SPATA7: variants seen among roughly 807,000 people sequenced by gnomAD.
SPATA7 encodes spermatogenesis-associated protein 7.
In SPATA7, 43 loss-of-function variants were observed where a neutral mutation model predicts 51.8. The observed-to-expected ratio is 0.83, with a 90% CI of 0.65 to 1.07. The LOEUF is 1.07. Ranked by LOEUF, SPATA7 falls within the 50% of genes least tolerant of loss-of-function variation. SPATA7 has a pLI of 0.00. For synonymous variants in SPATA7, 230 were observed against 252.8 expected, an observed-to-expected ratio of 0.91 and a Z score of 0.86; for missense variants, 683 against 701.3, an observed-to-expected ratio of 0.97 and a Z score of 0.30.
rs972606605 is a variant in SPATA7 at position 88,460,936 on chromosome 14, C to G, written c.255-8911C>G. On this transcript the variant is annotated intron_variant, in intron 4 of 4. Transcript: ENST00000556406. Reference sequence around the variant, plus strand: ...TAGTTTTCCTTCTAACAGTCAGGACCCTCAGCTGCAGGTCTGTTGGAGCTT... The same window carrying G: ...TAGTTTTCCTTCTAACAGTCAGGACGCTCAGCTGCAGGTCTGTTGGAGCTT... Among the ~76,000 whole-genome samples, 45 of 152,178 alleles carry G rather than the reference C, an allele frequency of 3.0e-4. 1 individual carries two copies. The highest frequency in any genetic ancestry group is 1.0e-3 in the African/African-American group (42 of 41,438).
At chr14:88,453,284 T>C (rs1316216103) in intron 3 of SPATA7, among the ~76,000 whole-genome samples, 4 of 152,192 alleles carry the variant, frequency 2.6e-5, no homozygotes, top group African/African-American at 9.6e-5. Flanking sequence ...CTCTTTATAC[T>C]CAGAAAGTTC....
chr14:88,470,182 T>A (rs1281503481), exon 5 of SPATA7: 3 of 765,626 alleles, frequency 3.9e-6, no homozygotes, highest in South Asian at 1.9e-5. Flanking sequence ...AACTGGATTA[T>A]TCAGCAGAAT....
At chr14:88,412,294 T>G (rs1016376723) in intron 4 of SPATA7, among the ~76,000 whole-genome samples, 1 of 151,280 alleles carries the variant, frequency 6.6e-6, no homozygotes, top group African/African-American at 2.4e-5. Flanking sequence ...ACTAATGAAA[T>G]ATATATATAA....
intron 5 of SPATA7, among the ~76,000 whole-genome samples, chr14:88,424,919 A>G (rs993562338): frequency 6.6e-6 from 1 of 152,206 alleles, no homozygotes; most frequent in African/African-American, 2.4e-5. Context: ...TTGATAAATC[A>G]GCACTTTAGG....
chr14:88,437,520 A>G (rs201104753), intron 10 of SPATA7, 23 bp from the exon 11 acceptor site: 1 of 1,569,596 alleles, frequency 6.4e-7, no homozygotes, highest in Non-Finnish European at 8.8e-7. Context: ...TGAGACATTA[A>G]CATTTTTGTT....
At chr14:88,457,505 C>T (rs1472055854), downstream of SPATA7, among the ~76,000 whole-genome samples, 1 of 152,168 alleles carries the variant, frequency 6.6e-6, no homozygotes, top group African/African-American at 2.4e-5. Flanking sequence ...TGGGAGTTCA[C>T]TCATGATGTG....
chr14:88,402,972 A>AC (rs1555372192), intron 4 of SPATA7, among the ~76,000 whole-genome samples: 2 of 140,844 alleles, frequency 1.4e-5, no homozygotes, highest in Non-Finnish European at 3.0e-5. Flanking sequence ...AAAAAAAAAA[A>AC]AAAAAAAAAA....
intron 11 of SPATA7, 62 bp from the exon 12 acceptor site, chr14:88,437,776 C>T (rs2077130152): frequency 6.8e-7 from 1 of 1,478,660 alleles, no homozygotes; most frequent in East Asian, 2.3e-5. Flanking sequence ...ATTTTCAGCA[C>T]TGCAGTCAAA....
At chr14:88,452,718 C>G (rs1176852484) in intron 3 of SPATA7, among the ~76,000 whole-genome samples, 2 of 152,158 alleles carry the variant, frequency 1.3e-5, no homozygotes, top group South Asian at 2.1e-4. Flanking sequence ...CAGTATACCC[C>G]CTGCTGCTAG....
At position 88,446,490 on chromosome 14, in the gene SPATA7, C is replaced by G. The variant is rs951979484; in HGVS notation, c.178-8570C>G. Among the ~76,000 whole-genome samples the G allele has an allele frequency of 2.7e-3, 407 of 151,902 alleles. 7 individuals carry two copies. The highest frequency in any genetic ancestry group is 2.0e-3 in the Non-Finnish European group (136 of 67,868). ...TTTTGTGTCTCTATTTCCTTCAGTT[C>G]TGCTCTGATTTTAGTTATTTCTTGC... On this transcript the variant is annotated intron_variant, in intron 3 of 3. Coordinates refer to the SPATA7 transcript ENST00000554802.
chr14:88,416,870 A>G (rs374511557), intron 5 of SPATA7, 26 bp downstream of exon 5: 50 of 1,563,178 alleles, frequency 3.2e-5, no homozygotes, highest in Non-Finnish European at 4.1e-5. Flanking sequence ...TATTTTTTAA[A>G]AGCAAATGTT....
chr14:88,389,619 A>G (rs1279625251), intron 1 of SPATA7, among the ~76,000 whole-genome samples: 2 of 152,230 alleles, frequency 1.3e-5, no homozygotes, highest in Non-Finnish European at 2.9e-5. Context: ...ACATCAAGGA[A>G]CATCTAAATT....
rs1386718532 is a variant in SPATA7, at chr14:88,426,404, G to A, written c.545G>A (p.Ser182Asn). 1.9e-6 allele frequency: 3 copies of A among 1,614,094 alleles called. No individual in the cohort carries two copies. Among genetic ancestry groups the A allele is most frequent in the South Asian group, 1.1e-5 (1 of 91,088 alleles). ...PEKNSSSSPS[S>N]VDYAASGPRK... Reference sequence around the variant, plus strand: ...AAGAACTCCAGTTCCTCCCCGTCCAGTGTGGATTATGCAGCCTCCGGGCCC... The same window carrying A: ...AAGAACTCCAGTTCCTCCCCGTCCAATGTGGATTATGCAGCCTCCGGGCCC... Residue 182 changes from serine (S) to asparagine (N), a missense_variant, in exon 6 of 12, where the codon AGT becomes AAT. Transcript: ENST00000393545.
In SPATA7 at chr14:88,385,698, T is replaced by G. The variant is rs531264549; in HGVS notation, c.-121T>G. On this transcript the variant is annotated 5_prime_UTR_variant, in exon 1 of 12. Transcript: ENST00000393545. ...AGCAACGGCCTGGCAACGGTTTCCC[T>G]GCTGCTGCAGCCCCCGTCGGCTCCT... 2.0e-6 allele frequency: 2 copies of G among 986,458 alleles called. No homozygotes were observed. The highest frequency in any genetic ancestry group is 3.1e-6 in the Non-Finnish European group (2 of 635,370). 61.1% of individuals were successfully genotyped at this position (986,458 alleles called of 1,614,324 possible). A position where few individuals can be genotyped will look rare whatever the true frequency, so the allele number is the denominator to read the frequency against.
At chr14:88,446,227 C>T (rs147206038) in intron 3 of SPATA7, among the ~76,000 whole-genome samples, 3,774 of 151,810 alleles carry the variant, frequency 0.025, 166 homozygotes, top group African/African-American at 0.087. Flanking sequence ...TGTATGTGTC[C>T]AGGAATTTAT....
At chr14:88,450,542 C>T (rs890191543) in intron 3 of SPATA7, among the ~76,000 whole-genome samples, 2 of 152,032 alleles carry the variant, frequency 1.3e-5, no homozygotes, top group African/African-American at 4.8e-5. Context: ...CTGTATCTTT[C>T]CTTCATTTAT....
chr14:88,386,342 C>T (rs1018298725), intron 1 of SPATA7, among the ~76,000 whole-genome samples: 1 of 152,262 alleles, frequency 6.6e-6, no homozygotes, highest in Non-Finnish European at 1.5e-5. Context: ...CTCCCAGTAA[C>T]GAACTACCTC....
rs1441189847 is a variant in SPATA7 at position 88,468,903 on chromosome 14, T to C, written c.255-944T>C. ...TCCACCCAAAAAGGCCAGGTGATCA[T>C]AAGCGCCATCACCTCATTGTGTTCC... is the stretch of plus-strand genomic sequence containing the variant. On this transcript the variant is annotated intron_variant, in intron 4 of 4. Coordinates refer to the SPATA7 transcript ENST00000556406. The C allele has an allele frequency of 4.3e-6, 7 of 1,613,832 alleles. No homozygotes were observed. The African/African-American group carries it at 5.3e-5, about 12-fold the overall frequency.
intron 9 of SPATA7, chr14:88,432,525 A>G (rs2076968867): frequency 6.6e-6 from 1 of 152,286 alleles, no homozygotes; most frequent in Non-Finnish European, 1.5e-5. Context: ...GTGTTCAAGT[A>G]GTTAAAAATT....
Sources: allele counts gnomAD v4.1 joint callset (sites outside exome capture counted in the v4.1 genomes callset), GRCh38; gene constraint gnomAD v4.1.1; transcripts MANE v1.5; gene names NCBI Gene and HGNC (gene_info 2026-07-23, HGNC 2026-07-21).